NEXMIF: variants seen among roughly 807,000 people sequenced by gnomAD.
NEXMIF encodes XLMR protein related to neurite extension.
A neutral mutation model predicts 62.1 loss-of-function variants in NEXMIF; 8 were observed. The ratio of observed to expected loss-of-function variants is 0.13; its 90% CI spans 0.08 to 0.23. NEXMIF has a LOEUF of 0.23. NEXMIF is among the 10% of genes least tolerant of loss of function. NEXMIF has a pLI of 1.00. For missense variants in NEXMIF, 976 were observed against 1,113.3 expected (o/e 0.88, Z 1.75); for synonymous variants, 404 against 416.6 (o/e 0.97, Z 0.37).
intron 1 of NEXMIF, among the ~76,000 whole-genome samples, chrX:74,810,259 A>T (rs1490911929): frequency 1.8e-5 from 2 of 111,781 alleles, no homozygotes; most frequent in Admixed American, 1.9e-4. Flanking sequence ...CTAGACTTCA[A>T]GGATAAAACA....
chrX:74,881,369 A>G, intron 1 of NEXMIF, among the ~76,000 whole-genome samples: 1 of 76,007 alleles, frequency 1.3e-5, no homozygotes, highest in East Asian at 4.1e-4. Context: ...GATAAATTCC[A>G]ACACACACAC....
intron 1 of NEXMIF, among the ~76,000 whole-genome samples, chrX:74,833,945 A>C (rs1390747280): frequency 9.1e-6 from 1 of 109,755 alleles, no homozygotes. Flanking sequence ...CGGGAGTCTG[A>C]CCGACATGGA....
intron 1 of NEXMIF, among the ~76,000 whole-genome samples, chrX:74,839,083 T>A (rs2080466082): frequency 8.9e-6 from 1 of 111,906 alleles, no homozygotes; most frequent in Non-Finnish European, 1.9e-5. Context: ...TAATCTCACT[T>A]ACTGAATCAT....
chrX:74,806,985 C>T (rs1442450813), intron 1 of NEXMIF, among the ~76,000 whole-genome samples: 4 of 112,340 alleles, frequency 3.6e-5, no homozygotes, highest in Non-Finnish European at 7.5e-5. Context: ...TGTCAGCCCT[C>T]CAATTTTGTT....
At position 74,768,054 on chromosome X, in the gene NEXMIF, C is replaced by T. The variant is rs190618028; in HGVS notation, c.-47-22357G>A. 1.6e-3 allele frequency among the ~76,000 whole-genome samples: 178 copies of T among 111,601 alleles called. 1 individual carries two copies. Among genetic ancestry groups the T allele is most frequent in the African/African-American group, 5.1e-3 (158 of 30,731 alleles). The stretch of plus-strand genomic sequence containing the variant: ...GATATCTAAAGCTCCCAGGGCTCCA[C>T]GTGTGCCTTACCAGCTGCTCTGCCA... On this transcript the variant is annotated intron_variant, in intron 1 of 3. Transcript: ENST00000055682.
chrX:74,821,387 CCTAT>C (rs755378669), intron 1 of NEXMIF, among the ~76,000 whole-genome samples: 3 of 112,010 alleles, frequency 2.7e-5, no homozygotes, highest in Non-Finnish European at 3.8e-5. Flanking sequence ...ATCACAAAAA[CCTAT>C]AACTCAAATA....
intron 1 of NEXMIF, among the ~76,000 whole-genome samples, chrX:74,780,862 T>A (rs777335282): frequency 9.0e-6 from 1 of 111,567 alleles, no homozygotes; most frequent in South Asian, 3.8e-4. Context: ...AAACAAGACA[T>A]GAATCCAAGG....
At chrX:74,753,713 ACG>A (rs1203569934) in intron 1 of NEXMIF, among the ~76,000 whole-genome samples, 2 of 90,521 alleles carry the variant, frequency 2.2e-5, no homozygotes, top group African/African-American at 9.4e-5. Flanking sequence ...ACACACACAC[ACG>A]CACACACACA....
intron 1 of NEXMIF, among the ~76,000 whole-genome samples, chrX:74,903,099 C>T (rs2080754005): frequency 2.7e-5 from 3 of 111,110 alleles, no homozygotes; most frequent in Admixed American, 9.6e-5. Flanking sequence ...GGACTTGTTT[C>T]AACATTGGTT....
At position 74,919,280 on chromosome X, in the gene NEXMIF, G is replaced by A. The variant is rs190390268; in HGVS notation, c.-48+5603C>T. 1.2e-4 allele frequency among the ~76,000 whole-genome samples: 13 copies of A among 111,552 alleles called. No homozygotes were observed. The East Asian group carries it at 3.4e-3, about 29-fold the overall frequency. The stretch of plus-strand genomic sequence containing the variant: ...GCCAATAATCCAATTCTGTTGAGCC[G>A]AAACCCTGAATCATTTCAGGGGTTC... On this transcript the variant is annotated intron_variant, in intron 1 of 3. Coordinates refer to ENST00000055682, the MANE Select transcript of NEXMIF (RefSeq NM_001008537.3).
chrX:74,815,826 G>A (rs1394721052), intron 1 of NEXMIF, among the ~76,000 whole-genome samples: 1 of 109,576 alleles, frequency 9.1e-6, no homozygotes, highest in Non-Finnish European at 1.9e-5. Flanking sequence ...AGTAGAGATG[G>A]GGTTTCATCG....
At position 74,887,903 on chromosome X, in the gene NEXMIF, C is replaced by A. The variant is rs186233401; in HGVS notation, c.-48+36980G>T. On this transcript the variant is annotated intron_variant, in intron 1 of 3. Coordinates refer to ENST00000055682, the MANE Select transcript of NEXMIF (RefSeq NM_001008537.3). ...AAAGACTTGGAACCAACCCAAATGT[C>A]CAACAATGGTAGACTGGATTAAGAA... 2.5e-3 allele frequency among the ~76,000 whole-genome samples: 284 copies of A among 112,074 alleles called. 2 individuals carry two copies. The highest frequency in any genetic ancestry group is 3.6e-3 in the Non-Finnish European group (194 of 53,192).
In NEXMIF at chrX:74,761,952, ATTTC is replaced by A. The variant is rs373014429; in HGVS notation, c.-47-16259_-47-16256del. On this transcript the variant is annotated intron_variant, in intron 1 of 3. Transcript: ENST00000055682. Reference sequence around the variant, plus strand: ...AAGGAAATTCTTAAATTCTGCCTCAATTTCTTTCTTTCTTTCTTTCTTTTTTATT... The same window carrying A: ...AAGGAAATTCTTAAATTCTGCCTCAATTTCTTTCTTTCTTTCTTTTTTATT... 3.4e-3 allele frequency among the ~76,000 whole-genome samples: 374 copies of A among 109,677 alleles called. 1 individual carries two copies. Among genetic ancestry groups the A allele is most frequent in the Non-Finnish European group, 4.3e-3 (228 of 52,470 alleles).
At chrX:74,813,987 T>C (rs1418092872) in intron 1 of NEXMIF, among the ~76,000 whole-genome samples, 2 of 111,865 alleles carry the variant, frequency 1.8e-5, no homozygotes, top group South Asian at 7.5e-4. Context: ...ATATCAGTCA[T>C]GGATACTACT....
At chrX:74,870,612 G>C (rs1391310323) in intron 1 of NEXMIF, among the ~76,000 whole-genome samples, 2 of 111,596 alleles carry the variant, frequency 1.8e-5, no homozygotes, top group Non-Finnish European at 3.8e-5. Context: ...GAGCTCAATC[G>C]ACTTTACAGG....
intron 1 of NEXMIF, among the ~76,000 whole-genome samples, chrX:74,749,416 C>A (rs2080135003): frequency 1.8e-5 from 2 of 110,928 alleles, no homozygotes; most frequent in African/African-American, 6.6e-5. Flanking sequence ...CTTTGTTTTG[C>A]TTTGCAAAAC....
At chrX:74,898,854 G>A (rs2080740406) in intron 1 of NEXMIF, among the ~76,000 whole-genome samples, 1 of 110,724 alleles carries the variant, frequency 9.0e-6, no homozygotes, top group Admixed American at 9.7e-5. Flanking sequence ...AATCAGAAAA[G>A]GAAATGAAGA....
intron 1 of NEXMIF, among the ~76,000 whole-genome samples, chrX:74,768,884 A>C (rs1044720436): frequency 8.9e-6 from 1 of 112,050 alleles, no homozygotes; most frequent in African/African-American, 3.2e-5. Context: ...TGTGCGTGAG[A>C]AAAAGAAAAA....
intron 1 of NEXMIF, among the ~76,000 whole-genome samples, chrX:74,789,802 G>A (rs1374675002): frequency 2.8e-5 from 3 of 107,923 alleles, no homozygotes; most frequent in South Asian, 4.2e-4. Context: ...CATGTCCTTC[G>A]CCCACTTTTT....
Sources: gnomAD v4.1 joint callset for allele counts (sites outside exome capture counted in the v4.1 genomes callset) on GRCh38, gnomAD v4.1.1 for gene constraint, MANE v1.5 for transcripts, NCBI Gene and HGNC (gene_info 2026-07-23, HGNC 2026-07-21) for gene names.